Variants in PHTF1 observed in about 807,000 individuals in gnomAD.
PHTF1 encodes putative homeodomain transcription factor 1, also known as protein PHTF1.
PHTF1 carries 88 observed loss-of-function variants against 102.4 expected under a neutral mutation model. The ratio of observed to expected loss-of-function variants is 0.86; its 90% CI spans 0.72 to 1.03. PHTF1 has a LOEUF of 1.03. Among genes scored for constraint, PHTF1 ranks in the 50% least tolerant of loss-of-function variants. The pLI, the probability that PHTF1 is intolerant of heterozygous loss-of-function variation, is 0.00. For synonymous variants in PHTF1, 289 were observed against 305.2 expected, an observed-to-expected ratio of 0.95 and a Z score of 0.55; for missense variants, 814 against 909.5, an observed-to-expected ratio of 0.89 and a Z score of 1.35.
rs1244056574 is a variant in PHTF1 at position 113,704,540 on chromosome 1, A to T, written c.1803+126T>A. On this transcript the variant is annotated intron_variant, in intron 14 of 18. Coordinates refer to ENST00000369604, the MANE Select transcript of PHTF1 (RefSeq NM_001323043.2). Reference sequence around the variant, plus strand: ...ATGACATCCAACTTGCTGTCCAGCAAGTCTGTCAGCTGCTGCTATAATCTG... The same window carrying T: ...ATGACATCCAACTTGCTGTCCAGCATGTCTGTCAGCTGCTGCTATAATCTG... 5.4e-5 allele frequency: 35 copies of T among 651,946 alleles called. No homozygotes were observed. The African/African-American group carries it at 5.8e-4, about 11-fold the overall frequency. 40.4% of individuals were successfully genotyped at this position (651,946 alleles called of 1,614,324 possible).
intron 7 of PHTF1, among the ~76,000 whole-genome samples, chr1:113,717,747 C>A (rs148926288): frequency 0.016 from 2,508 of 152,190 alleles, 71 homozygotes; most frequent in African/African-American, 0.056. Flanking sequence ...AAAGCGGAAA[C>A]CCCTGATAAA....
At chr1:113,737,715 C>T (rs1383948619) in intron 5 of PHTF1, among the ~76,000 whole-genome samples, 1 of 152,160 alleles carries the variant, frequency 6.6e-6, no homozygotes, top group African/African-American at 2.4e-5. Flanking sequence ...GGAAGGATTG[C>T]TTGCGTCTGG....
At chr1:113,736,760 A>G (rs1172714342) in intron 5 of PHTF1, among the ~76,000 whole-genome samples, 1 of 152,172 alleles carries the variant, frequency 6.6e-6, no homozygotes, top group Admixed American at 6.5e-5. Flanking sequence ...AAACAAAACA[A>G]AACAGCTCCG....
intron 5 of PHTF1, among the ~76,000 whole-genome samples, 183 bp from the exon 6 acceptor site, chr1:113,726,757 G>A (rs1653904400): frequency 1.3e-5 from 2 of 152,032 alleles, no homozygotes; most frequent in South Asian, 2.1e-4. Flanking sequence ...TAGATCCCTC[G>A]GCAAGTGAAG....
chr1:113,732,722 A>G (rs1654850472), intron 5 of PHTF1, among the ~76,000 whole-genome samples: 1 of 152,228 alleles, frequency 6.6e-6, no homozygotes, highest in African/African-American at 2.4e-5. Context: ...ACCATGGCAT[A>G]TATGGAAATT....
intron 3 of PHTF1, among the ~76,000 whole-genome samples, chr1:113,744,552 T>A (rs1330732551): frequency 6.6e-6 from 1 of 152,186 alleles, no homozygotes; most frequent in Non-Finnish European, 1.5e-5. Context: ...GACACCTTAT[T>A]CACATTTAAG....
intron 3 of PHTF1, chr1:113,746,976 T>C (rs911877827): frequency 6.6e-5 from 12 of 182,498 alleles, no homozygotes; most frequent in Non-Finnish European, 1.1e-4. Context: ...GATGAGGAAA[T>C]AACTCTTATT....
chr1:113,711,423 C>T (rs1651074715), intron 10 of PHTF1, among the ~76,000 whole-genome samples: 1 of 152,162 alleles, frequency 6.6e-6, no homozygotes, highest in Non-Finnish European at 1.5e-5. Context: ...AATCTGTCTT[C>T]ATCAGCATCA....
chr1:113,742,653 C>T (rs1303265812), intron 3 of PHTF1, among the ~76,000 whole-genome samples: 1 of 151,922 alleles, frequency 6.6e-6, no homozygotes, highest in Non-Finnish European at 1.5e-5. Context: ...AAAAATGGTA[C>T]ACCTGTATAG....
Position 113,759,099 on chromosome 1 carries a change from G to A in PHTF1, c.-107C>T. ...CCGGGGTCCCACCGTGAGGCCGGGG[G>A]CGAGGCGGCGGGCCAGGCAGGCCGC... is the stretch of plus-strand genomic sequence containing the variant. On this transcript the variant is annotated 5_prime_UTR_variant, in exon 1 of 19. Transcript: ENST00000369604. 1 of 990,458 alleles carries A rather than the reference G, an allele frequency of 1.0e-6. No homozygotes were observed. Among genetic ancestry groups the A allele is most frequent in the Non-Finnish European group, 1.2e-6 (1 of 833,424 alleles). The allele number at this position is 990,458 out of a possible 1,614,324, so 61.4% of individuals were successfully genotyped here.
intron 8 of PHTF1, 21 bp downstream of exon 8, chr1:113,713,258 T>TG: frequency 6.2e-7 from 1 of 1,608,834 alleles, no homozygotes; most frequent in South Asian, 1.1e-5. Context: ...AAACCCCTTG[T>TG]TAAATCCATC....
chr1:113,717,115 GA>G (rs1156821212), intron 7 of PHTF1, among the ~76,000 whole-genome samples: 1 of 152,060 alleles, frequency 6.6e-6, no homozygotes, highest in Non-Finnish European at 1.5e-5. Context: ...GCTGGTTTAT[GA>G]GTTTGTTTGC....
At chr1:113,725,543 C>A (rs1199528105) in intron 6 of PHTF1, 1 of 152,182 alleles carries the variant, frequency 6.6e-6, no homozygotes, top group Non-Finnish European at 1.5e-5. Flanking sequence ...GATAACATAA[C>A]TTTTGGAAAA....
rs1655847007 is a variant in PHTF1 at position 113,738,381 on chromosome 1, C to T, written c.173-113G>A. On this transcript the variant is annotated intron_variant, in intron 4 of 18. Transcript: ENST00000369604. Reference sequence around the variant, plus strand: ...TGCAAAAATCAGCACAAAACCTGTTCAGTTAAAAAAAAAAACCCTCTTAGA... The same window carrying T: ...TGCAAAAATCAGCACAAAACCTGTTTAGTTAAAAAAAAAAACCCTCTTAGA... 1.3e-5 allele frequency: 9 copies of T among 709,368 alleles called. No homozygotes were observed. The South Asian group carries it at 1.4e-4, about 11-fold the overall frequency. The allele number at this position is 709,368 out of a possible 1,614,324, so 43.9% of individuals were successfully genotyped here.
In PHTF1 at chr1:113,697,624, T is replaced by C; in HGVS notation, c.*81A>G. ...GCATGTGAACAAGCAGGTGGGTATC[T>C]CACTGGTTTCTGCAGTCATCACTTT... On this transcript the variant is annotated 3_prime_UTR_variant, in exon 19 of 19. Transcript: ENST00000369604. 1 of 975,716 alleles carries C rather than the reference T, an allele frequency of 1.0e-6. No individual in the cohort carries two copies. Among genetic ancestry groups the C allele is most frequent in the Non-Finnish European group, 1.6e-6 (1 of 606,580 alleles). 60.4% of individuals were successfully genotyped at this position (975,716 alleles called of 1,614,324 possible). A position where few individuals can be genotyped will look rare whatever the true frequency, so the allele number is the denominator to read the frequency against.
At chr1:113,704,900 TGAA>T in intron 13 of PHTF1, 103 bp from the exon 14 acceptor site, 1 of 857,632 alleles carries the variant, frequency 1.2e-6, no homozygotes, top group Middle Eastern at 3.6e-4. Context: ...TTAAAAAGAA[TGAA>T]GTTCTAATCA....
At chr1:113,700,637 G>C (rs1649334457) in intron 16 of PHTF1, among the ~76,000 whole-genome samples, 157 bp downstream of exon 16, 1 of 152,144 alleles carries the variant, frequency 6.6e-6, no homozygotes, top group African/African-American at 2.4e-5. Flanking sequence ...CATTTTATTA[G>C]GGATAAGCAA....
At chr1:113,743,950 C>T (rs1314640949) in intron 3 of PHTF1, among the ~76,000 whole-genome samples, 1 of 152,200 alleles carries the variant, frequency 6.6e-6, no homozygotes, top group Admixed American at 6.5e-5. Context: ...AACCACTACA[C>T]TATCCTGCCT....
At chr1:113,705,316 T>C (rs1282986070) in intron 13 of PHTF1, among the ~76,000 whole-genome samples, 1 of 152,118 alleles carries the variant, frequency 6.6e-6, no homozygotes, top group Non-Finnish European at 1.5e-5. Context: ...GGCGCAGGCC[T>C]GTAGTCCCAG....
Sources: allele counts gnomAD v4.1 joint callset (sites outside exome capture counted in the v4.1 genomes callset), GRCh38; gene constraint gnomAD v4.1.1; transcripts MANE v1.5; gene names NCBI Gene and HGNC (gene_info 2026-07-23, HGNC 2026-07-21).